CYP19A1: variants seen among roughly 807,000 people sequenced by gnomAD.
The protein encoded by CYP19A1 is aromatase.
Under a neutral mutation model 44.4 loss-of-function variants are expected in CYP19A1, and 32 were observed. That is an observed-to-expected ratio of 0.72 (90% CI 0.54 to 0.97). The LOEUF is 0.97. Among genes scored for constraint, CYP19A1 ranks in the 50% least tolerant of loss-of-function variants. The probability of loss-of-function intolerance (pLI) is 0.00; values close to 1 mark genes in which losing one functional copy is unlikely to be tolerated. For synonymous variants in CYP19A1, 212 were observed against 215.6 expected, an observed-to-expected ratio of 0.98 and a Z score of 0.14; for missense variants, 598 against 637.8, an observed-to-expected ratio of 0.94 and a Z score of 0.67.
At chr15:51,247,221 G>C (rs1370903756) in intron 1 of CYP19A1, among the ~76,000 whole-genome samples, 1 of 151,920 alleles carries the variant, frequency 6.6e-6, no homozygotes, top group African/African-American at 2.4e-5. Flanking sequence ...AGCCTAAAGC[G>C]TTTGCCCTCT....
At chr15:51,222,016 T>C (rs908719265) in intron 5 of CYP19A1, 6 of 481,110 alleles carry the variant, frequency 1.2e-5, no homozygotes, top group East Asian at 3.4e-5. Context: ...CTGGAAATGG[T>C]TAAATATATA....
At chr15:51,330,365 G>A (rs1224773799) in intron 1 of CYP19A1, among the ~76,000 whole-genome samples, 5 of 151,600 alleles carry the variant, frequency 3.3e-5, no homozygotes, top group African/African-American at 7.3e-5. Flanking sequence ...GGAGAGAAGG[G>A]GCATAAGAAA....
chr15:51,210,822 A>G lies in CYP19A1; in HGVS notation c.1498T>C (p.Cys500Arg). The G allele has an allele frequency of 6.3e-7, 1 of 1,593,384 alleles. No homozygotes were observed. The highest frequency in any genetic ancestry group is 8.6e-7 in the Non-Finnish European group (1 of 1,160,958). ...MIFTPRNSDR[C>R]LEH ...ACCAGCCTTCTCTAGTGTTCCAGAC[A>G]CCTGTCTGAGTTTCTTGGGGTAAAG... The change falls in exon 10 of 10, where the codon TGT becomes CGT. Residue 500 changes from cysteine to arginine, a missense_variant. Cys to Arg is a radical substitution (Grantham distance 180). Coordinates refer to ENST00000396402, the MANE Select transcript of CYP19A1 (RefSeq NM_000103.4).
At chr15:51,279,862 C>A (rs1321064101) in intron 1 of CYP19A1, 1 of 152,212 alleles carries the variant, frequency 6.6e-6, no homozygotes, top group Non-Finnish European at 1.5e-5. Flanking sequence ...ACTTTATGTT[C>A]CTTGAGGGCA....
At chr15:51,261,410 T>A (rs2034717062) in intron 1 of CYP19A1, among the ~76,000 whole-genome samples, 1 of 152,156 alleles carries the variant, frequency 6.6e-6, no homozygotes, top group South Asian at 2.1e-4. Flanking sequence ...ACCTTGCAGT[T>A]CTATAATCTT....
intron 1 of CYP19A1, among the ~76,000 whole-genome samples, chr15:51,330,976 A>G (rs1277865534): frequency 6.6e-6 from 1 of 152,102 alleles, no homozygotes. Context: ...TGAATGAGGG[A>G]TGAGGAAGCG....
At chr15:51,300,298 TC>T (rs1390239093) in intron 1 of CYP19A1, among the ~76,000 whole-genome samples, 1 of 152,242 alleles carries the variant, frequency 6.6e-6, no homozygotes, top group Non-Finnish European at 1.5e-5. Flanking sequence ...TCAACATTTT[TC>T]TACACAATTT....
In CYP19A1 at chr15:51,236,771, A is replaced by T. The variant is rs1201002060; in HGVS notation, c.296+88T>A. The T allele has an allele frequency of 2.3e-5, 34 of 1,475,040 alleles. No individual in the cohort carries two copies. The East Asian group carries it at 7.3e-4, about 32-fold the overall frequency. 91.4% of individuals were successfully genotyped at this position (1,475,040 alleles called of 1,614,324 possible). ...TAAAAATATAGCGTTAGAAACAAAG[A>T]CATCAAGATTCAAAATAAAGTTGTC... On this transcript the variant is annotated intron_variant, in intron 3 of 9. Transcript: ENST00000396402.
At chr15:51,213,733 G>A (rs2031269776) in intron 8 of CYP19A1, among the ~76,000 whole-genome samples, 2 of 152,108 alleles carry the variant, frequency 1.3e-5, no homozygotes, top group Non-Finnish European at 2.9e-5. Context: ...TCAAATAAAT[G>A]GTATTCAATA....
chr15:51,321,284 C>T (rs9282665), intron 1 of CYP19A1, among the ~76,000 whole-genome samples: 1,859 of 152,258 alleles, frequency 0.012, 42 homozygotes, highest in African/African-American at 0.043. Context: ...GAGCACCCCT[C>T]CCCATCCACC....
At chr15:51,297,815 A>G (rs1348298113) in intron 1 of CYP19A1, among the ~76,000 whole-genome samples, 1 of 61,318 alleles carries the variant, frequency 1.6e-5, no homozygotes, top group Non-Finnish European at 3.0e-5. Flanking sequence ...CACTGTAGGC[A>G]TGACACACAC....
chr15:51,214,159 G>GA (rs1177152726), intron 8 of CYP19A1, among the ~76,000 whole-genome samples: 1 of 152,208 alleles, frequency 6.6e-6, no homozygotes, highest in Non-Finnish European at 1.5e-5. Flanking sequence ...AAAGTCAAGA[G>GA]AGGGAAGTCC....
chr15:51,228,662 A>T (rs1331560108), intron 3 of CYP19A1, among the ~76,000 whole-genome samples: 2 of 152,222 alleles, frequency 1.3e-5, no homozygotes, highest in African/African-American at 4.8e-5. Context: ...ACGACACAGG[A>T]TGTGATGAGT....
chr15:51,230,161 T>C (rs1321578638), intron 3 of CYP19A1, among the ~76,000 whole-genome samples: 4 of 152,206 alleles, frequency 2.6e-5, no homozygotes, highest in Admixed American at 6.5e-5. Context: ...AGGCTGGATT[T>C]ATCTAACCAG....
At chr15:51,337,492 C>G (rs2036795687) in intron 1 of CYP19A1, among the ~76,000 whole-genome samples, 1 of 152,210 alleles carries the variant, frequency 6.6e-6, no homozygotes, top group South Asian at 2.1e-4. Context: ...AGTAGCATAT[C>G]TAAAGTCATG....
At chr15:51,299,837 G>A (rs1197565236) in intron 1 of CYP19A1, among the ~76,000 whole-genome samples, 2 of 152,114 alleles carry the variant, frequency 1.3e-5, no homozygotes, top group African/African-American at 4.8e-5. Flanking sequence ...CCAACCAAAT[G>A]GTTGTTGAGT....
intron 8 of CYP19A1, among the ~76,000 whole-genome samples, chr15:51,214,336 C>A (rs868128032): frequency 3.9e-5 from 6 of 152,248 alleles, no homozygotes; most frequent in Non-Finnish European, 5.9e-5. Context: ...GAAATTGAAG[C>A]AGAGACAGAG....
At chr15:51,284,205 C>A (rs2035623695) in intron 1 of CYP19A1, among the ~76,000 whole-genome samples, 1 of 152,142 alleles carries the variant, frequency 6.6e-6, no homozygotes, top group Admixed American at 6.5e-5. Context: ...TAGTACTAAT[C>A]CTGCAGGAAA....
chr15:51,254,582 G>A (rs1313586328), intron 1 of CYP19A1, among the ~76,000 whole-genome samples: 1 of 151,756 alleles, frequency 6.6e-6, no homozygotes, highest in Admixed American at 6.6e-5. Context: ...TTCTTGCCTG[G>A]TTTCTCATAT....
Sources: allele counts gnomAD v4.1 joint callset (sites outside exome capture counted in the v4.1 genomes callset), GRCh38; gene constraint gnomAD v4.1.1; transcripts MANE v1.5; gene names NCBI Gene and HGNC (gene_info 2026-07-23, HGNC 2026-07-21).